The following HYAL4 variants were observed in gnomAD, a reference collection of about 807,000 sequenced individuals.
HYAL4 encodes hyaluronidase-4.
Under a neutral mutation model 35.2 loss-of-function variants are expected in HYAL4, and 37 were observed. The observed-to-expected ratio is 1.05, with a 90% confidence interval of 0.81 to 1.38. The LOEUF (loss-of-function observed/expected upper bound fraction) is 1.38, where lower values mean the gene tolerates loss of function less well. Ranked by LOEUF, HYAL4 falls within the 40% of genes most tolerant of loss-of-function variation. The probability of loss-of-function intolerance (pLI) is 0.00; values close to 1 mark genes in which losing one functional copy is unlikely to be tolerated. For synonymous variants in HYAL4, 198 were observed against 203.2 expected, an observed-to-expected ratio of 0.97 and a Z score of 0.22; for missense variants, 572 against 572.4, an observed-to-expected ratio of 1.00 and a Z score of 0.01.
the HYAL4 span, among the ~76,000 whole-genome samples, chr7:123,801,254 TC>T: frequency 2.0e-5 from 3 of 152,202 alleles, no homozygotes; most frequent in Admixed American, 6.5e-5. Context: ...GTTAAATAAA[TC>T]TTGTTAAATC....
At chr7:123,782,871 T>C in the HYAL4 span, among the ~76,000 whole-genome samples, 1 of 152,160 alleles carries the variant, frequency 6.6e-6, no homozygotes, top group Non-Finnish European at 1.5e-5. Context: ...CTGTGACACA[T>C]ATAACATCCC....
At chr7:123,787,195 T>A in the HYAL4 span, among the ~76,000 whole-genome samples, 9 of 152,264 alleles carry the variant, frequency 5.9e-5, no homozygotes, top group South Asian at 1.9e-3. Context: ...CTGAACTTCC[T>A]TGTAAACATG....
At chr7:123,796,956 G>A in the HYAL4 span, among the ~76,000 whole-genome samples, 1 of 152,146 alleles carries the variant, frequency 6.6e-6, no homozygotes, top group Non-Finnish European at 1.5e-5. Flanking sequence ...ATAGCTAAGG[G>A]GGAAACAAGA....
chr7:123,859,552 G>A (rs1806534279), intron 2 of HYAL4, among the ~76,000 whole-genome samples: 1 of 152,080 alleles, frequency 6.6e-6, no homozygotes, highest in South Asian at 2.1e-4. Flanking sequence ...CTGGCTGATA[G>A]TGTTCATTTC....
intron 2 of HYAL4, among the ~76,000 whole-genome samples, chr7:123,855,294 GT>G (rs1490560873): frequency 6.6e-6 from 1 of 152,180 alleles, no homozygotes; most frequent in Non-Finnish European, 1.5e-5. Context: ...TTTCTTCACA[GT>G]GTTGATGGTC....
chr7:123,768,952 TC>T, the HYAL4 span, among the ~76,000 whole-genome samples: 1 of 152,246 alleles, frequency 6.6e-6, no homozygotes, highest in Admixed American at 6.5e-5. Flanking sequence ...GTTTCTGTTT[TC>T]AGAGACCCAT....
intron 1 of HYAL4, among the ~76,000 whole-genome samples, chr7:123,837,774 T>C (rs539910714): frequency 6.7e-6 from 1 of 148,154 alleles, no homozygotes; most frequent in East Asian, 2.1e-4. Flanking sequence ...CGGTGTTTGG[T>C]TTTTTGTCCT....
At chr7:123,774,194 C>A in the HYAL4 span, among the ~76,000 whole-genome samples, 1 of 152,004 alleles carries the variant, frequency 6.6e-6, no homozygotes, top group Non-Finnish European at 1.5e-5. Flanking sequence ...TATGACCATG[C>A]CCAGTTAATT....
chr7:123,857,933 A>G (rs1057054440), intron 2 of HYAL4, among the ~76,000 whole-genome samples: 1 of 151,866 alleles, frequency 6.6e-6, no homozygotes, highest in Non-Finnish European at 1.5e-5. Flanking sequence ...GTGGTGGCTC[A>G]CTCCTGTAAT....
At chr7:123,859,935 C>T (rs1806541182) in intron 2 of HYAL4, among the ~76,000 whole-genome samples, 1 of 152,292 alleles carries the variant, frequency 6.6e-6, no homozygotes, top group East Asian at 1.9e-4. Context: ...AGTATCCCTC[C>T]TGATATGGTT....
chr7:123,835,347 G>T (rs755136702), intron 1 of HYAL4, among the ~76,000 whole-genome samples: 2 of 151,994 alleles, frequency 1.3e-5, no homozygotes, highest in Non-Finnish European at 2.9e-5. Context: ...ATCTCCTTTA[G>T]GTTTTATAGT....
At chr7:123,806,878 A>G in the HYAL4 span, among the ~76,000 whole-genome samples, 1 of 152,116 alleles carries the variant, frequency 6.6e-6, no homozygotes, top group South Asian at 2.1e-4. Context: ...GCTTCAGGCT[A>G]GTGAAAAAGC....
At chr7:123,872,420 G>T (rs1806906916) in intron 3 of HYAL4, among the ~76,000 whole-genome samples, 1 of 152,200 alleles carries the variant, frequency 6.6e-6, no homozygotes, top group Admixed American at 6.5e-5. Context: ...CACAAAGGCA[G>T]CTCATTAGTA....
chr7:123,824,436 T>G (rs1310638681), upstream of HYAL4, among the ~76,000 whole-genome samples: 2 of 152,120 alleles, frequency 1.3e-5, no homozygotes, highest in African/African-American at 4.8e-5. Context: ...ATATAATTTT[T>G]TTAAGTTTAA....
Position 123,868,728 on chromosome 7 carries a change from A to C in HYAL4, c.455A>C (p.Gln152Pro). Residue 152 changes from glutamine to proline, a missense_variant, in exon 3 of 5, where the codon CAG becomes CCG. Transcript: ENST00000223026. ...ATAGATTGGGAATATTGGCGACCACAGTGGGCCCGGAACTGGAACTCAAAA... is the reference window on the plus strand; with the variant it reads ...ATAGATTGGGAATATTGGCGACCACCGTGGGCCCGGAACTGGAACTCAAAA... ...AVIDWEYWRP[Q>P]WARNWNSKDV... 1.2e-6 allele frequency: 2 copies of C among 1,613,970 alleles called. No individual in the cohort carries two copies. The highest frequency in any genetic ancestry group is 4.5e-5 in the East Asian group (2 of 44,882).
At chr7:123,789,820 G>A in the HYAL4 span, among the ~76,000 whole-genome samples, 4 of 152,082 alleles carry the variant, frequency 2.6e-5, no homozygotes, top group Non-Finnish European at 5.9e-5. Flanking sequence ...AAATATGTAT[G>A]TGTATGTGTG....
the HYAL4 span, among the ~76,000 whole-genome samples, chr7:123,804,443 T>C: frequency 1.3e-5 from 2 of 152,350 alleles, no homozygotes; most frequent in East Asian, 1.9e-4. Flanking sequence ...AGGAAAAATA[T>C]TACTTTTTGA....
At chr7:123,856,083 C>A (rs1806428294) in intron 2 of HYAL4, among the ~76,000 whole-genome samples, 1 of 151,862 alleles carries the variant, frequency 6.6e-6, no homozygotes, top group Non-Finnish European at 1.5e-5. Context: ...ACTTGTTATC[C>A]TACTTAGCAG....
At chr7:123,853,462 C>G (rs577164678) in intron 2 of HYAL4, among the ~76,000 whole-genome samples, 1 of 152,182 alleles carries the variant, frequency 6.6e-6, no homozygotes, top group African/African-American at 2.4e-5. Context: ...TATTGAAGGC[C>G]TTTTCGGCAT....
Sources: allele counts gnomAD v4.1 joint callset (sites outside exome capture counted in the v4.1 genomes callset), GRCh38; gene constraint gnomAD v4.1.1; transcripts MANE v1.5; gene names NCBI Gene and HGNC (gene_info 2026-07-23, HGNC 2026-07-21).